Variants in ADD2 observed in about 807,000 individuals in gnomAD.
ADD2 encodes the protein beta-adducin.
ADD2 carries 23 observed loss-of-function variants against 83.0 expected under a neutral mutation model. The ratio of observed to expected loss-of-function variants is 0.28; its 90% CI spans 0.20 to 0.39. The LOEUF (loss-of-function observed/expected upper bound fraction) is 0.39, where lower values mean the gene tolerates loss of function less well. Among genes scored for constraint, ADD2 ranks in the 10% least tolerant of loss-of-function variants. The pLI is 1.00. For missense variants in ADD2, 758 were observed against 944.9 expected, an observed-to-expected ratio of 0.80 and a Z score of 2.59; for synonymous variants, 375 against 375.4, an observed-to-expected ratio of 1.00 and a Z score of 0.01.
At chr2:70,670,302 G>A (rs985352102) in intron 15 of ADD2, among the ~76,000 whole-genome samples, 1 of 152,180 alleles carries the variant, frequency 6.6e-6, no homozygotes, top group Non-Finnish European at 1.5e-5. Context: ...CTGACAACAT[G>A]CTGTGGGTTA....
At chr2:70,705,821 T>C (rs1482960914) in intron 3 of ADD2, among the ~76,000 whole-genome samples, 1 of 152,186 alleles carries the variant, frequency 6.6e-6, no homozygotes, top group Non-Finnish European at 1.5e-5. Flanking sequence ...CAGAAAGTTC[T>C]TACTTTGTGG....
At chr2:70,672,698 T>G (rs1439102985) in intron 15 of ADD2, among the ~76,000 whole-genome samples, 180 bp downstream of exon 15, 1 of 152,210 alleles carries the variant, frequency 6.6e-6, no homozygotes, top group Non-Finnish European at 1.5e-5. Flanking sequence ...CTGCAAGGTG[T>G]AGTGTTATAG....
chr2:70,675,950 C>T, intron 13 of ADD2: 2 of 985,396 alleles, frequency 2.0e-6, no homozygotes, highest in Non-Finnish European at 2.4e-6. Context: ...TTCAGTGTTC[C>T]CCATCTTGGC....
At chr2:70,687,629 CAA>C (rs527323533) in intron 9 of ADD2, among the ~76,000 whole-genome samples, 1,445 of 135,522 alleles carry the variant, frequency 0.011, 30 homozygotes, top group Admixed American at 0.05. Flanking sequence ...AACAAACAAA[CAA>C]ACACCTACCT....
rs1553364771 is a variant in ADD2, at chr2:70,660,119, CAT to C, written c.*3304_*3305del. 1 of 152,216 alleles carries C rather than the reference CAT, an allele frequency of 6.6e-6. No homozygotes were observed. The highest frequency in any genetic ancestry group is 2.4e-5 in the African/African-American group (1 of 41,462). 9.4% of individuals were successfully genotyped at this position (152,216 alleles called of 1,614,324 possible). A position where few individuals can be genotyped will look rare whatever the true frequency, so the allele number is the denominator to read the frequency against. ...ATAGCCTGTAGATTTGTTTGGACCACATGTCTGTTTCTGTAGCATTTGGTGCA... is the reference window on the plus strand; with the variant it reads ...ATAGCCTGTAGATTTGTTTGGACCACGTCTGTTTCTGTAGCATTTGGTGCA... On this transcript the variant is annotated 3_prime_UTR_variant, in exon 16 of 16. Coordinates refer to ENST00000264436, the MANE Select transcript of ADD2 (RefSeq NM_001617.4).
intron 1 of ADD2, among the ~76,000 whole-genome samples, chr2:70,765,561 C>T (rs1318053803): frequency 1.3e-5 from 2 of 152,172 alleles, no homozygotes; most frequent in African/African-American, 2.4e-5. Flanking sequence ...CTGCTTTATC[C>T]CTTTGTTCCC....
intron 1 of ADD2, among the ~76,000 whole-genome samples, chr2:70,728,014 G>C (rs1384940362): frequency 6.6e-6 from 1 of 152,196 alleles, no homozygotes; most frequent in African/African-American, 2.4e-5. Context: ...ATTTGTAGGG[G>C]CCTTTTGTTG....
Position 70,677,883 on chromosome 2 carries a change from C to A in ADD2, c.1384-6G>T, listed in dbSNP as rs782492778. 6.2e-7 allele frequency: 1 copy of A among 1,614,024 alleles called. No individual in the cohort carries two copies. Among genetic ancestry groups the A allele is most frequent in the African/African-American group, 1.3e-5 (1 of 74,938 alleles). On this transcript the variant is annotated splice_polypyrimidine_tract_variant and splice_region_variant and intron_variant, in intron 11 of 15. Coordinates refer to ENST00000264436, the MANE Select transcript of ADD2 (RefSeq NM_001617.4). The stretch of plus-strand genomic sequence containing the variant: ...ACCTCGTCAGCCTTCATCCACTGCA[C>A]AAACACAAGGTCATGGGGCTGAGGT...
intron 1 of ADD2, among the ~76,000 whole-genome samples, chr2:70,764,466 C>T (rs974457847): frequency 6.6e-6 from 1 of 151,912 alleles, no homozygotes; most frequent in Non-Finnish European, 1.5e-5. Context: ...CTCCACTATT[C>T]CAACTCCCCT....
At chr2:70,691,739 G>T (rs1484899078) in intron 7 of ADD2, 3 of 152,194 alleles carry the variant, frequency 2.0e-5, no homozygotes, top group Non-Finnish European at 2.9e-5. Context: ...ATTCTGGAAA[G>T]TCTGAATGCT....
Position 70,690,936 on chromosome 2 carries a change from G to A in ADD2, c.706-7C>T, listed in dbSNP as rs534377918. On this transcript the variant is annotated splice_region_variant and splice_polypyrimidine_tract_variant and intron_variant, in intron 7 of 15. Coordinates refer to ENST00000264436, the MANE Select transcript of ADD2 (RefSeq NM_001617.4). The stretch of plus-strand genomic sequence containing the variant: ...CCCACTTCATGGCCGACACCTTAGA[G>A]AGACAATGGCATGGTTAGCACCTGC... The A allele has an allele frequency of 3.0e-5, 48 of 1,609,520 alleles. No individual in the cohort carries two copies. The East Asian group carries it at 9.8e-4, about 33-fold the overall frequency.
In ADD2 at chr2:70,681,716, T is replaced by C. The variant is rs545365100; in HGVS notation, c.1125+1875A>G. ...ACTTTATAGGCATGTAACCATATTA[T>C]CTGTAAATAATAGTTTCCTTTCCTT... is the stretch of plus-strand genomic sequence containing the variant. On this transcript the variant is annotated intron_variant, in intron 10 of 15. Coordinates refer to ENST00000264436, the MANE Select transcript of ADD2 (RefSeq NM_001617.4). Among the ~76,000 whole-genome samples the C allele has an allele frequency of 8.5e-5, 13 of 152,186 alleles. No individual in the cohort carries two copies. The East Asian group carries it at 2.5e-3, about 29-fold the overall frequency.
chr2:70,692,588 G>A lies in ADD2; in HGVS notation c.556-36C>T, dbSNP rs782546669. 12 of 1,548,614 alleles carry A rather than the reference G, an allele frequency of 7.7e-6. No homozygotes were observed. In the East Asian group the frequency reaches 9.1e-5, roughly 12 times the overall value. On this transcript the variant is annotated intron_variant, in intron 6 of 15. Coordinates refer to ENST00000264436, the MANE Select transcript of ADD2 (RefSeq NM_001617.4). Reference sequence around the variant, plus strand: ...GAAGAAGAGAGACTTATGGCAACAGGGTGGCCGAGGCCCCGCACTCCTCTC... The same window carrying A: ...GAAGAAGAGAGACTTATGGCAACAGAGTGGCCGAGGCCCCGCACTCCTCTC...
chr2:70,680,577 T>C (rs1479873247), intron 10 of ADD2, among the ~76,000 whole-genome samples: 1 of 152,236 alleles, frequency 6.6e-6, no homozygotes, highest in Non-Finnish European at 1.5e-5. Context: ...ATTGACTTTA[T>C]TGATTAATTT....
At chr2:70,715,832 G>A (rs3755369) in intron 1 of ADD2, among the ~76,000 whole-genome samples, 39,502 of 150,528 alleles carry the variant, frequency 0.26, 5,406 homozygotes, top group African/African-American at 0.34. Context: ...TTTTTGCCCT[G>A]CACATTTAAT....
rs547286010 is a variant in ADD2, at chr2:70,728,618, C to T, written c.-153-15434G>A. ...ACATTAAATGCTCTAGAAAAACATG[C>T]TATGGACATTGCCCTTTTGCGAGTT... On this transcript the variant is annotated intron_variant, in intron 1 of 15. Coordinates refer to ENST00000264436, the MANE Select transcript of ADD2 (RefSeq NM_001617.4). 3.3e-5 allele frequency among the ~76,000 whole-genome samples: 5 copies of T among 152,360 alleles called. No homozygotes were observed. In the South Asian group the frequency reaches 8.3e-4, roughly 25 times the overall value.
chr2:70,664,615 A>G (rs1675682294), intron 15 of ADD2, among the ~76,000 whole-genome samples: 1 of 152,232 alleles, frequency 6.6e-6, no homozygotes, highest in African/African-American at 2.4e-5. Context: ...TGAAGAACAC[A>G]GTACCATGGT....
intron 1 of ADD2, among the ~76,000 whole-genome samples, chr2:70,751,091 A>G (rs1574322542): frequency 6.6e-6 from 1 of 152,356 alleles, no homozygotes; most frequent in East Asian, 1.9e-4. Context: ...TGAATTTGCC[A>G]TTAATTAATC....
intron 15 of ADD2, among the ~76,000 whole-genome samples, chr2:70,664,552 G>A (rs569646405): frequency 6.6e-6 from 1 of 152,324 alleles, no homozygotes; most frequent in Non-Finnish European, 1.5e-5. Flanking sequence ...AAAGTAGAAA[G>A]CAAGGTAAAT....
Sources: allele counts gnomAD v4.1 joint callset (sites outside exome capture counted in the v4.1 genomes callset), GRCh38; gene constraint gnomAD v4.1.1; transcripts MANE v1.5; gene names NCBI Gene and HGNC (gene_info 2026-07-23, HGNC 2026-07-21).